INPP4A: variants seen among roughly 807,000 people sequenced by gnomAD.
INPP4A encodes the protein inositol polyphosphate-4-phosphatase, type I, 107kD.
A neutral mutation model predicts 119.8 loss-of-function variants in INPP4A; 33 were observed. The ratio of observed to expected loss-of-function variants is 0.28; its 90% CI spans 0.21 to 0.37. INPP4A has a LOEUF of 0.37. Among genes scored for constraint, INPP4A ranks in the 10% least tolerant of loss-of-function variants. The pLI, the probability that INPP4A is intolerant of heterozygous loss-of-function variation, is 1.00. For synonymous variants in INPP4A, 496 were observed against 500.7 expected (o/e 0.99, Z 0.12); for missense variants, 956 against 1,289.9 (o/e 0.74, Z 3.97).
At chr2:98,485,402 A>G (rs934930355) in intron 1 of INPP4A, among the ~76,000 whole-genome samples, 1 of 152,168 alleles carries the variant, frequency 6.6e-6, no homozygotes, top group African/African-American at 2.4e-5. Flanking sequence ...TAGTTAAGGT[A>G]TCTGTGGGGG....
At chr2:98,560,478 T>C (rs1222812557) in intron 17 of INPP4A, among the ~76,000 whole-genome samples, 3 of 152,204 alleles carry the variant, frequency 2.0e-5, no homozygotes, top group Admixed American at 2.0e-4. Flanking sequence ...AGTTAGCTCA[T>C]TGGCGGGCTA....
intron 16 of INPP4A, chr2:98,556,029 C>T (rs1412576837): frequency 1.9e-6 from 1 of 536,938 alleles, no homozygotes; most frequent in Non-Finnish European, 3.3e-6. Flanking sequence ...TTCTGCATCT[C>T]TGCCAGTCAG....
In INPP4A at chr2:98,569,919, ATGT is replaced by A. The variant is rs1697152692; in HGVS notation, c.2518+1256_2518+1258del. On this transcript the variant is annotated intron_variant, in intron 22 of 24. Transcript: ENST00000409851. The surrounding 1 kb of genome is among the most constrained non-coding windows in gnomAD (Gnocchi z 5.1). ...GTGAGGCTGTGACACTTCAGATGAG[ATGT>A]TGTTTCACTCTGACTCCAGCCTGGT... 2.0e-5 allele frequency: 3 copies of A among 152,494 alleles called. No individual in the cohort carries two copies. Among genetic ancestry groups the A allele is most frequent in the African/African-American group, 7.2e-5 (3 of 41,492 alleles). The allele number at this position is 152,494 out of a possible 1,614,324, so 9.4% of individuals were successfully genotyped here. A position where few individuals can be genotyped will look rare whatever the true frequency, so the allele number is the denominator to read the frequency against.
At chr2:98,485,513 A>G (rs1679362864) in intron 1 of INPP4A, among the ~76,000 whole-genome samples, 1 of 152,074 alleles carries the variant, frequency 6.6e-6, no homozygotes, top group Non-Finnish European at 1.5e-5. Context: ...GGTTGGCCAC[A>G]GTCAGATTTC....
chr2:98,484,704 T>A (rs1679189849), intron 1 of INPP4A, among the ~76,000 whole-genome samples: 1 of 152,214 alleles, frequency 6.6e-6, no homozygotes. Context: ...TTAACATTTT[T>A]ATACGTGTTC....
chr2:98,520,760 T>C (rs1558995187), intron 4 of INPP4A, 29 bp downstream of exon 4: 5 of 1,268,262 alleles, frequency 3.9e-6, no homozygotes, highest in Non-Finnish European at 5.5e-6. Context: ...TTTTTTGTTT[T>C]AAAAAATATT....
chr2:98,559,108 T>G (rs1280061900), intron 16 of INPP4A, among the ~76,000 whole-genome samples: 4 of 152,266 alleles, frequency 2.6e-5, no homozygotes, highest in South Asian at 2.1e-4. Flanking sequence ...AACGCGGGGC[T>G]CTGCCACTAC....
intron 22 of INPP4A, among the ~76,000 whole-genome samples, chr2:98,572,561 C>T (rs538064895): frequency 1.2e-4 from 18 of 152,294 alleles, no homozygotes; most frequent in African/African-American, 3.4e-4. Flanking sequence ...GTAGGTGATT[C>T]GGTGGCCATT....
At position 98,593,216 on chromosome 2, in the gene INPP4A, CA is replaced by C. The variant is rs1700478750; in HGVS notation, c.*5609del. 1 of 152,380 alleles carries C rather than the reference CA, an allele frequency of 6.6e-6. No homozygotes were observed. The highest frequency in any genetic ancestry group is 6.5e-5 in the Admixed American group (1 of 15,290). 9.4% of individuals were successfully genotyped at this position (152,380 alleles called of 1,614,324 possible). A position where few individuals can be genotyped will look rare whatever the true frequency, so the allele number is the denominator to read the frequency against. ...AGGCAGGTCTTTCACACTGTTGTCC[CA>C]CATAACAGAAAAAGCTGAGCAGACA... On this transcript the variant is annotated 3_prime_UTR_variant, in exon 25 of 25. Transcript: ENST00000409851.
In INPP4A at chr2:98,587,731, A is replaced by C. The variant is rs1160864966; in HGVS notation, c.*123A>C. The stretch of plus-strand genomic sequence containing the variant: ...ATTTTTTGTGGTTTTTTTAAAAAAA[A>C]CATTTCACTAAAGAGTCTCTGGAGC... On this transcript the variant is annotated 3_prime_UTR_variant, in exon 25 of 25. Coordinates refer to ENST00000409851, the MANE Select transcript of INPP4A (RefSeq NM_001134225.2). 1.2e-6 allele frequency: 1 copy of C among 829,970 alleles called. No individual in the cohort carries two copies. Among genetic ancestry groups the C allele is most frequent in the Non-Finnish European group, 1.8e-6 (1 of 549,008 alleles). 51.4% of individuals were successfully genotyped at this position (829,970 alleles called of 1,614,324 possible).
chr2:98,456,925 CAAAG>C (rs1453746518), intron 1 of INPP4A, among the ~76,000 whole-genome samples: 3 of 152,040 alleles, frequency 2.0e-5, no homozygotes, highest in Non-Finnish European at 4.4e-5. Context: ...TATCTTTTGT[CAAAG>C]AGAGAAGAAA....
At chr2:98,457,374 A>G (rs1696303772) in intron 1 of INPP4A, among the ~76,000 whole-genome samples, 1 of 152,194 alleles carries the variant, frequency 6.6e-6, no homozygotes, top group African/African-American at 2.4e-5. Context: ...CCTGGTCGGT[A>G]TAGTGAGACC....
chr2:98,449,181 A>G (rs1226393743), intron 1 of INPP4A, among the ~76,000 whole-genome samples: 2 of 152,148 alleles, frequency 1.3e-5, no homozygotes, highest in African/African-American at 4.8e-5. Context: ...GACTATGTAA[A>G]TATAGTTACT....
intron 4 of INPP4A, among the ~76,000 whole-genome samples, chr2:98,529,808 A>G (rs1335041755): frequency 6.6e-6 from 1 of 152,192 alleles, no homozygotes; most frequent in East Asian, 1.9e-4. Flanking sequence ...TGATATGTGA[A>G]TCATATCTTA....
At chr2:98,468,644 C>T (rs982462692) in intron 1 of INPP4A, among the ~76,000 whole-genome samples, 4 of 152,056 alleles carry the variant, frequency 2.6e-5, no homozygotes, top group Non-Finnish European at 4.4e-5. Context: ...GCTGGTGGGT[C>T]GCATTTCTCA....
chr2:98,465,381 A>G (rs1291095822), intron 1 of INPP4A, among the ~76,000 whole-genome samples: 3 of 152,180 alleles, frequency 2.0e-5, no homozygotes, highest in Non-Finnish European at 2.9e-5. Flanking sequence ...TCCTGCCTTC[A>G]TATAAGGACA....
At chr2:98,455,603 C>G (rs956599302) in intron 1 of INPP4A, among the ~76,000 whole-genome samples, 2 of 152,110 alleles carry the variant, frequency 1.3e-5, no homozygotes, top group South Asian at 4.1e-4. Flanking sequence ...GTTCCTCCCC[C>G]GTCGAATCCT....
intron 1 of INPP4A, among the ~76,000 whole-genome samples, chr2:98,450,743 G>A (rs1695077111): frequency 1.3e-5 from 2 of 152,142 alleles, no homozygotes; most frequent in Admixed American, 1.3e-4. Flanking sequence ...CCTTTCCTCT[G>A]TGGATTTAAT....
intron 4 of INPP4A, among the ~76,000 whole-genome samples, chr2:98,527,303 C>T (rs749377765): frequency 3.3e-5 from 5 of 152,222 alleles, no homozygotes; most frequent in Non-Finnish European, 7.3e-5. Flanking sequence ...ACCCTACATC[C>T]TGTACCTGCC....
Sources: allele counts gnomAD v4.1 joint callset (sites outside exome capture counted in the v4.1 genomes callset), GRCh38; gene constraint gnomAD v4.1.1; non-coding constraint Gnocchi (gnomAD v3.1); transcripts MANE v1.5; gene names NCBI Gene and HGNC (gene_info 2026-07-23, HGNC 2026-07-21).